CLYBL: variants seen among roughly 807,000 people sequenced by gnomAD.
The protein encoded by CLYBL is citramalyl-CoA lyase, mitochondrial.
In CLYBL, 31 loss-of-function variants were observed where a neutral mutation model predicts 38.9. The ratio of observed to expected loss-of-function variants is 0.80; its 90% CI spans 0.60 to 1.08. The LOEUF (loss-of-function observed/expected upper bound fraction) is 1.08. CLYBL is among the 50% of genes least tolerant of loss of function. CLYBL has a pLI of 0.00. For missense variants in CLYBL, 434 were observed against 411.6 expected (o/e 1.05, Z -0.47); for synonymous variants, 171 against 158.6 (o/e 1.08, Z -0.59).
chr13:99,698,311 C>T (rs1367549089), intron 1 of CLYBL, among the ~76,000 whole-genome samples: 1 of 148,842 alleles, frequency 6.7e-6, no homozygotes, highest in Non-Finnish European at 1.5e-5. Flanking sequence ...TCTGCCTCAG[C>T]CTCCCGAGTA....
chr13:99,749,321 G>A (rs1042743711), intron 1 of CLYBL, among the ~76,000 whole-genome samples: 22 of 152,320 alleles, frequency 1.4e-4, no homozygotes, highest in African/African-American at 5.3e-4. Context: ...TACTAAACCG[G>A]ACAAGAATAA....
intron 3 of CLYBL, among the ~76,000 whole-genome samples, chr13:99,862,063 C>A (rs1676444290): frequency 6.6e-6 from 1 of 152,118 alleles, no homozygotes; most frequent in Non-Finnish European, 1.5e-5. Flanking sequence ...TTATGCAAAT[C>A]TCTTAGATAT....
chr13:99,741,961 G>A lies in CLYBL; in HGVS notation c.63-30863G>A, dbSNP rs1209395478. Among the ~76,000 whole-genome samples, 5 of 152,144 alleles carry A rather than the reference G, an allele frequency of 3.3e-5. No homozygotes were observed. The East Asian group carries it at 9.6e-4, about 29-fold the overall frequency. On this transcript the variant is annotated intron_variant, in intron 1 of 8. Coordinates refer to ENST00000339105, the MANE Select transcript of CLYBL (RefSeq NM_206808.5). ...GTACTTTTGCCTTTGTCACTTGTCA[G>A]CATTTGCACTGACTTAAGTTGTTAG...
At chr13:99,670,060 A>C (rs879865928) in intron 1 of CLYBL, among the ~76,000 whole-genome samples, 2 of 151,872 alleles carry the variant, frequency 1.3e-5, no homozygotes, top group Non-Finnish European at 1.5e-5. Context: ...TTAGCCAGGC[A>C]TGGTGGCATG....
chr13:99,692,883 C>T (rs1051163383), intron 1 of CLYBL, among the ~76,000 whole-genome samples: 5 of 152,162 alleles, frequency 3.3e-5, no homozygotes, highest in Non-Finnish European at 5.9e-5. Context: ...CAAGGTTTGT[C>T]CATGTTGTAG....
chr13:99,638,525 G>A (rs942654861), intron 1 of CLYBL, among the ~76,000 whole-genome samples: 1 of 152,058 alleles, frequency 6.6e-6, no homozygotes. Flanking sequence ...GCGGGATTTC[G>A]CAGTGATCAG....
intron 1 of CLYBL, among the ~76,000 whole-genome samples, chr13:99,692,361 G>T (rs1256991009): frequency 6.6e-6 from 1 of 150,578 alleles, no homozygotes; most frequent in South Asian, 2.1e-4. Flanking sequence ...GCATGATCTC[G>T]GCTCACTGCA....
In CLYBL at chr13:99,787,503, T is replaced by C. The variant is rs191463152; in HGVS notation, c.249+14493T>C. Among the ~76,000 whole-genome samples, 759 of 152,298 alleles carry C rather than the reference T, an allele frequency of 5.0e-3. 3 individuals are homozygous for C. Among genetic ancestry groups the C allele is most frequent in the African/African-American group, 0.017 (724 of 41,556 alleles). ...TTTGTCAGGTTTGTCAAAGAACAGATGGTTGTAGATGTGTGGTATTATTTC... is the reference window on the plus strand; with the variant it reads ...TTTGTCAGGTTTGTCAAAGAACAGACGGTTGTAGATGTGTGGTATTATTTC... On this transcript the variant is annotated intron_variant, in intron 2 of 8. Transcript: ENST00000339105.
chr13:99,679,250 C>T (rs775420891), intron 1 of CLYBL, among the ~76,000 whole-genome samples: 52 of 146,382 alleles, frequency 3.6e-4, no homozygotes, highest in Non-Finnish European at 5.8e-4. Context: ...GCCAAGATTG[C>T]GCCACAGCAC....
chr13:99,838,310 A>G (rs1430340714), intron 2 of CLYBL, among the ~76,000 whole-genome samples: 1 of 152,360 alleles, frequency 6.6e-6, no homozygotes, highest in African/African-American at 2.4e-5. Context: ...AAAAAGAAGT[A>G]ACAAAAGTGA....
At position 99,616,824 on chromosome 13, in the gene CLYBL, C is replaced by T. The variant is rs931013635; in HGVS notation, c.62+10067C>T. The stretch of plus-strand genomic sequence containing the variant: ...TACAAAAATTAGCCTGGTGTGGTTG[C>T]GCATGCCTGTAGTCCCAGCTACTCA... On this transcript the variant is annotated intron_variant, in intron 1 of 8. Coordinates refer to ENST00000339105, the MANE Select transcript of CLYBL (RefSeq NM_206808.5). Among the ~76,000 whole-genome samples the T allele has an allele frequency of 5.1e-4, 77 of 152,004 alleles. 2 individuals carry two copies. Among genetic ancestry groups the T allele is most frequent in the Non-Finnish European group, 8.8e-5 (6 of 67,984 alleles).
intron 2 of CLYBL, among the ~76,000 whole-genome samples, chr13:99,821,059 G>C (rs1041232897): frequency 6.6e-6 from 1 of 152,184 alleles, no homozygotes; most frequent in African/African-American, 2.4e-5. Flanking sequence ...TTTATATGAT[G>C]TAGAAATACT....
At chr13:99,774,067 C>CAA (rs11453486) in intron 2 of CLYBL, among the ~76,000 whole-genome samples, 5 of 143,400 alleles carry the variant, frequency 3.5e-5, no homozygotes, top group African/African-American at 7.6e-5. Context: ...CCATTTCTAC[C>CAA]AAAAAAAAAA....
chr13:99,800,734 C>T (rs959939444), intron 2 of CLYBL, among the ~76,000 whole-genome samples: 5 of 151,956 alleles, frequency 3.3e-5, no homozygotes, highest in East Asian at 1.9e-4. Context: ...ATTAGCCTGG[C>T]ATGGTGGCGC....
intron 2 of CLYBL, among the ~76,000 whole-genome samples, chr13:99,808,866 C>T (rs944639911): frequency 6.6e-6 from 1 of 152,192 alleles, no homozygotes; most frequent in Non-Finnish European, 1.5e-5. Context: ...ACATTGACAG[C>T]TCTGATCCTG....
intron 2 of CLYBL, among the ~76,000 whole-genome samples, chr13:99,839,840 T>G (rs1223173797): frequency 6.6e-6 from 1 of 152,164 alleles, no homozygotes; most frequent in African/African-American, 2.4e-5. Flanking sequence ...AATCCAGTTA[T>G]ACCCTTCTAG....
intron 1 of CLYBL, among the ~76,000 whole-genome samples, chr13:99,673,773 G>C (rs1283246892): frequency 1.3e-5 from 2 of 152,232 alleles, no homozygotes; most frequent in Non-Finnish European, 2.9e-5. Flanking sequence ...CAGAAGTTAT[G>C]TTGAGAATAC....
intron 1 of CLYBL, among the ~76,000 whole-genome samples, chr13:99,677,288 A>T (rs1007143026): frequency 1.3e-5 from 2 of 152,180 alleles, no homozygotes; most frequent in African/African-American, 4.8e-5. Context: ...CCTCTCCAAG[A>T]TAAAGATGCC....
intron 1 of CLYBL, among the ~76,000 whole-genome samples, chr13:99,716,618 A>G (rs939999251): frequency 6.6e-6 from 1 of 151,566 alleles, no homozygotes; most frequent in African/African-American, 2.4e-5. Context: ...TCCTGACCTC[A>G]GGTGATCCAC....
Sources: gnomAD v4.1 joint callset for allele counts (sites outside exome capture counted in the v4.1 genomes callset) on GRCh38, gnomAD v4.1.1 for gene constraint, MANE v1.5 for transcripts, NCBI Gene and HGNC (gene_info 2026-07-23, HGNC 2026-07-21) for gene names.